Variants in FBN3 observed in about 807,000 individuals in gnomAD.
The protein encoded by FBN3 is fibrillin 3.
A neutral mutation model predicts 330.1 loss-of-function variants in FBN3; 234 were observed. The observed-to-expected ratio is 0.71, with a 90% CI of 0.64 to 0.79. The LOEUF (loss-of-function observed/expected upper bound fraction) is 0.79. Among genes scored for constraint, FBN3 ranks in the 30% least tolerant of loss-of-function variants. The pLI is 0.00. For synonymous variants in FBN3, 1,458 were observed against 1,517.3 expected (o/e 0.96, Z 0.91); for missense variants, 3,606 against 3,886.9 (o/e 0.93, Z 1.92).
At chr19:8,108,615 C>G (rs2082502390) in intron 36 of FBN3, among the ~76,000 whole-genome samples, 1 of 152,034 alleles carries the variant, frequency 6.6e-6, no homozygotes. Context: ...TGGACATTCA[C>G]ACACGCATAC....
At chr19:8,135,589 G>A (rs374301392) in intron 13 of FBN3, among the ~76,000 whole-genome samples, 3 of 150,360 alleles carry the variant, frequency 2.0e-5, no homozygotes, top group East Asian at 3.9e-4. Context: ...ATGGAGTCTC[G>A]CTCTATCAGC....
At chr19:8,120,880 T>G (rs988096926) in intron 25 of FBN3, among the ~76,000 whole-genome samples, 1 of 152,238 alleles carries the variant, frequency 6.6e-6, no homozygotes, top group Non-Finnish European at 1.5e-5. Context: ...CTCCCTGCAG[T>G]GCCTCTAGCT....
At position 8,112,063 on chromosome 19, in the gene FBN3, T is replaced by C. The variant is rs146679363; in HGVS notation, c.3875A>G (p.Asp1292Gly). ...GATGTTGAGACAGGAGGCGTGACTG[T>C]CACAGTTGTGTCCTCCAACCTCGCA... is the stretch of plus-strand genomic sequence containing the variant. ...DECEVGGHNC[D>G]SHASCLNIPG... Residue 1292 changes from aspartate (D) to glycine (G), a missense_variant, in exon 31 of 64, where the codon GAC (aspartate) becomes GGC (glycine). Physicochemically the swap from Asp to Gly is moderately conservative, Grantham distance 94. Transcript: ENST00000600128. The C allele has an allele frequency of 7.5e-3, 12,051 of 1,612,812 alleles. 62 individuals are homozygous for C. Among genetic ancestry groups the C allele is most frequent in the Non-Finnish European group, 8.3e-3 (9,789 of 1,179,410 alleles).
At position 8,116,168 on chromosome 19, in the gene FBN3, C is replaced by T. The variant is rs1394105987; in HGVS notation, c.3712+506G>A. On this transcript the variant is annotated intron_variant, in intron 29 of 63. Coordinates refer to ENST00000600128, the MANE Select transcript of FBN3 (RefSeq NM_032447.5). ...ACATTGTTACTTCCCGGAACTTCCA[C>T]ACTCTGGCCTCAGCTTTGTCCTGAT... is the stretch of plus-strand genomic sequence containing the variant. Among the ~76,000 whole-genome samples, 3 of 152,332 alleles carry T rather than the reference C, an allele frequency of 2.0e-5. No individual in the cohort carries two copies. The East Asian group carries it at 5.8e-4, about 29-fold the overall frequency.
intron 38 of FBN3, among the ~76,000 whole-genome samples, chr19:8,105,252 C>T (rs979903120): frequency 6.0e-5 from 9 of 149,754 alleles, no homozygotes; most frequent in African/African-American, 2.2e-4. Context: ...TGTGCCCAGT[C>T]TTTTTTTTCT....
At chr19:8,123,101 C>T (rs185370783) in intron 24 of FBN3, among the ~76,000 whole-genome samples, 1 of 152,062 alleles carries the variant, frequency 6.6e-6, no homozygotes, top group Non-Finnish European at 1.5e-5. Flanking sequence ...CACCTGTAAT[C>T]CCAGCACTTT....
At chr19:8,081,605 C>T (rs2081786752) in intron 57 of FBN3, 125 bp from the exon 58 acceptor site, 1 of 1,125,324 alleles carries the variant, frequency 8.9e-7, no homozygotes, top group South Asian at 1.9e-5. Context: ...GGAATGAACA[C>T]TTCTTTCTGC....
chr19:8,121,826 T>C lies in FBN3; in HGVS notation c.3083-440A>G, dbSNP rs890953615. On this transcript the variant is annotated intron_variant, in intron 24 of 63. Coordinates refer to ENST00000600128, the MANE Select transcript of FBN3 (RefSeq NM_032447.5). The surrounding 1 kb of genome is among the most constrained non-coding windows in gnomAD (Gnocchi z 4.5). ...GTGCAGTGATGCAATCTCGGCTCAC[T>C]GCAACTTCTGCCTCCCAGGATCAAG... Among the ~76,000 whole-genome samples the C allele has an allele frequency of 6.6e-6, 1 of 152,202 alleles. No homozygotes were observed. Among genetic ancestry groups the C allele is most frequent in the Non-Finnish European group, 1.5e-5 (1 of 68,028 alleles).
rs1218815065 is a variant in FBN3 at position 8,112,106 on chromosome 19, G to C, written c.3839-7C>G. The C allele has an allele frequency of 1.2e-6, 2 of 1,611,980 alleles. No homozygotes were observed. Among genetic ancestry groups the C allele is most frequent in the Non-Finnish European group, 1.7e-6 (2 of 1,178,844 alleles). On this transcript the variant is annotated splice_region_variant and splice_polypyrimidine_tract_variant and intron_variant, in intron 30 of 63. Transcript: ENST00000600128. ...ACCTCGCATTCATCCACATCTAAAG[G>C]GAGAGGAGGCACGACGCCAAGACCC... is the stretch of plus-strand genomic sequence containing the variant.
chr19:8,079,343 G>A (rs2081718700), intron 59 of FBN3, among the ~76,000 whole-genome samples: 1 of 152,166 alleles, frequency 6.6e-6, no homozygotes, highest in South Asian at 2.1e-4. Context: ...CTTGAGCCCA[G>A]GAATTTGAAG....
At chr19:8,119,982 G>A (rs779816014) in intron 25 of FBN3, among the ~76,000 whole-genome samples, 4 of 149,652 alleles carry the variant, frequency 2.7e-5, no homozygotes, top group African/African-American at 4.9e-5. Flanking sequence ...CACCATGCCC[G>A]GCTAATTTTT....
At chr19:8,130,281 T>C (rs1382283877) in intron 16 of FBN3, among the ~76,000 whole-genome samples, 2 of 149,486 alleles carry the variant, frequency 1.3e-5, no homozygotes, top group Non-Finnish European at 3.0e-5. Context: ...GGTGGGTGGA[T>C]CACTTGAGGC....
chr19:8,091,795 A>G (rs1180064757), intron 47 of FBN3, among the ~76,000 whole-genome samples: 1 of 152,232 alleles, frequency 6.6e-6, no homozygotes, highest in Non-Finnish European at 1.5e-5. Context: ...GCATCTCCAG[A>G]GTAAAGGTCA....
chr19:8,130,825 G>A (rs891507468), intron 16 of FBN3, among the ~76,000 whole-genome samples: 2 of 151,162 alleles, frequency 1.3e-5, no homozygotes, highest in Non-Finnish European at 2.9e-5. Context: ...CACATCACTC[G>A]AGCCTGGGCA....
At chr19:8,095,606 T>C in intron 45 of FBN3, 103 bp from the exon 46 acceptor site, 1 of 1,297,064 alleles carries the variant, frequency 7.7e-7, no homozygotes, top group Non-Finnish European at 1.1e-6. Flanking sequence ...CAGCATTGGC[T>C]TCAACTTGAG....
In FBN3 at chr19:8,096,615, G is replaced by A. The variant is rs780987725; in HGVS notation, c.5414-46C>T. On this transcript the variant is annotated intron_variant, in intron 43 of 63. Transcript: ENST00000600128. This position sits in a 1 kb window ranked among gnomAD's most constrained non-coding sequence, Gnocchi z 4.6. ...GTGTTCCCAGGGCTCCTACCACAGT[G>A]TTTGCCTGAGCTCTCCCTACTGCAA... The A allele has an allele frequency of 3.2e-6, 5 of 1,564,030 alleles. No homozygotes were observed. The Admixed American group carries it at 5.3e-5, about 17-fold the overall frequency.
In FBN3 at chr19:8,144,913, A is replaced by G. The variant is rs1365147708; in HGVS notation, c.505T>C (p.Cys169Arg). ...GRCIGPNRCACVYGFMGPQCE... is the reference protein window; with the variant it reads ...GRCIGPNRCARVYGFMGPQCE... ...TGAGGTCCCATGAAGCCATACACACAGGCGCAGCGGTTGGGCCCAATGCAG... is the reference window on the plus strand; with the variant it reads ...TGAGGTCCCATGAAGCCATACACACGGGCGCAGCGGTTGGGCCCAATGCAG... Residue 169 changes from cysteine (C) to arginine (R), a missense_variant, in exon 6 of 64, where the codon TGT (cysteine) becomes CGT (arginine). Cys to Arg is a radical substitution (Grantham distance 180). Transcript: ENST00000600128. 1.9e-6 allele frequency: 3 copies of G among 1,612,210 alleles called. No individual in the cohort carries two copies. The highest frequency in any genetic ancestry group is 1.1e-5 in the South Asian group (1 of 90,390).
rs979909248 is a variant in FBN3 at position 8,126,121 on chromosome 19, C to T, written c.2606-104G>A. ...TGTCCTTGAGGAGGAAGGAAGGGGACGGGGACACGGGGACTGGGGACTTTC... is the reference window on the plus strand; with the variant it reads ...TGTCCTTGAGGAGGAAGGAAGGGGATGGGGACACGGGGACTGGGGACTTTC... On this transcript the variant is annotated intron_variant, in intron 21 of 63. Coordinates refer to ENST00000600128, the MANE Select transcript of FBN3 (RefSeq NM_032447.5). 48 of 1,511,936 alleles carry T rather than the reference C, an allele frequency of 3.2e-5. 2 individuals carry two copies. Among genetic ancestry groups the T allele is most frequent in the African/African-American group, 2.5e-4 (18 of 72,650 alleles). The allele number at this position is 1,511,936 out of a possible 1,614,324, so 93.7% of individuals were successfully genotyped here. A position where few individuals can be genotyped will look rare whatever the true frequency, so the allele number is the denominator to read the frequency against.
chr19:8,111,782 G>A lies in FBN3; in HGVS notation c.3962-12C>T. On this transcript the variant is annotated splice_polypyrimidine_tract_variant and intron_variant, in intron 31 of 63. Coordinates refer to ENST00000600128, the MANE Select transcript of FBN3 (RefSeq NM_032447.5). ...GCATTCATCCAGGTCTGCAGGAGAT[G>A]GAGCCCAGACCCCCCACCCCATGGT... 1 of 1,611,212 alleles carries A rather than the reference G, an allele frequency of 6.2e-7. No homozygotes were observed. Among genetic ancestry groups the A allele is most frequent in the Non-Finnish European group, 8.5e-7 (1 of 1,178,196 alleles).
Sources: allele counts gnomAD v4.1 joint callset (sites outside exome capture counted in the v4.1 genomes callset), GRCh38; gene constraint gnomAD v4.1.1; non-coding constraint Gnocchi (gnomAD v3.1); transcripts MANE v1.5; gene names NCBI Gene and HGNC (gene_info 2026-07-23, HGNC 2026-07-21).